The following TRDN variants were observed in gnomAD, a reference collection of about 807,000 sequenced individuals.
The protein encoded by TRDN is triadin.
TRDN carries 161 observed loss-of-function variants against 149.7 expected under a neutral mutation model. The observed-to-expected ratio is 1.08, with a 90% CI of 0.95 to 1.23. TRDN has a LOEUF of 1.23. TRDN is among the 50% of genes most tolerant of loss of function. The pLI is 0.00. For missense variants in TRDN, 896 were observed against 823.5 expected (o/e 1.09, Z -1.08); for synonymous variants, 294 against 250.5 (o/e 1.17, Z -1.64).
intron 1 of TRDN, among the ~76,000 whole-genome samples, chr6:123,620,244 A>G (rs563525018): frequency 6.6e-6 from 1 of 152,266 alleles, no homozygotes; most frequent in Admixed American, 6.5e-5. Flanking sequence ...AATGATCTAA[A>G]AGGTTTGTTA....
chr6:123,603,805 A>G (rs1416559439), intron 1 of TRDN, among the ~76,000 whole-genome samples: 1 of 152,156 alleles, frequency 6.6e-6, no homozygotes, highest in Non-Finnish European at 1.5e-5. Flanking sequence ...AGATCTTTCC[A>G]GAAATTTTTA....
At chr6:123,605,530 T>C (rs570690546) in intron 1 of TRDN, among the ~76,000 whole-genome samples, 49 of 149,582 alleles carry the variant, frequency 3.3e-4, no homozygotes, top group African/African-American at 1.2e-3. Context: ...CTCATGCCTG[T>C]AACTCCAGCA....
At chr6:123,384,646 A>C (rs1781840855) in intron 14 of TRDN, among the ~76,000 whole-genome samples, 1 of 152,250 alleles carries the variant, frequency 6.6e-6, no homozygotes, top group African/African-American at 2.4e-5. Context: ...ATAAGAATCA[A>C]TAATATATTT....
At chr6:123,365,554 G>A (rs1438822435) in intron 20 of TRDN, among the ~76,000 whole-genome samples, 5 of 152,130 alleles carry the variant, frequency 3.3e-5, no homozygotes, top group Non-Finnish European at 7.4e-5. Flanking sequence ...GTAAGGGTAT[G>A]TGTGCAGGTT....
chr6:123,591,737 A>G (rs1583296707), intron 1 of TRDN, among the ~76,000 whole-genome samples: 1 of 152,100 alleles, frequency 6.6e-6, no homozygotes, highest in African/African-American at 2.4e-5. Flanking sequence ...ATCTATGAAG[A>G]AAAAAACCAG....
At chr6:123,573,666 G>A (rs1467262560) in intron 1 of TRDN, among the ~76,000 whole-genome samples, 1 of 151,952 alleles carries the variant, frequency 6.6e-6, no homozygotes, top group East Asian at 1.9e-4. Context: ...CAGGCAAAGA[G>A]GAACATACAG....
chr6:123,508,580 C>A (rs1779032614), intron 7 of TRDN, among the ~76,000 whole-genome samples: 1 of 152,122 alleles, frequency 6.6e-6, no homozygotes, highest in African/African-American at 2.4e-5. Flanking sequence ...TTGTTTTCTT[C>A]TTTTTCTTCT....
At chr6:123,393,813 A>G (rs1249560224) in intron 12 of TRDN, 136 bp from the exon 13 acceptor site, 12 of 755,798 alleles carry the variant, frequency 1.6e-5, no homozygotes, top group Non-Finnish European at 2.3e-5. Context: ...TTGTTAAGAC[A>G]TAAACTTATT....
chr6:123,266,839 A>G (rs994797231), intron 32 of TRDN, among the ~76,000 whole-genome samples: 1 of 138,272 alleles, frequency 7.2e-6, no homozygotes, highest in Non-Finnish European at 1.5e-5. Flanking sequence ...TAATGCTAGA[A>G]GGATACTTTA....
At chr6:123,238,001 C>T (rs935320758) in intron 38 of TRDN, among the ~76,000 whole-genome samples, 2 of 152,128 alleles carry the variant, frequency 1.3e-5, no homozygotes, top group East Asian at 1.9e-4. Context: ...TTAAAAGATG[C>T]TTAAAAGTGT....
At chr6:123,339,166 G>A (rs566036399) in intron 21 of TRDN, among the ~76,000 whole-genome samples, 68 of 151,892 alleles carry the variant, frequency 4.5e-4, no homozygotes, top group Middle Eastern at 3.4e-3. Flanking sequence ...CAGCATGCCC[G>A]GCTAATTTTT....
At chr6:123,264,511 T>C (rs1388585349) in intron 33 of TRDN, among the ~76,000 whole-genome samples, 3 of 151,876 alleles carry the variant, frequency 2.0e-5, no homozygotes, top group Non-Finnish European at 4.4e-5. Context: ...GGTGAAGATG[T>C]TGTGAACATC....
chr6:123,584,264 G>A (rs1276875456), intron 1 of TRDN, among the ~76,000 whole-genome samples: 1 of 152,194 alleles, frequency 6.6e-6, no homozygotes, highest in Non-Finnish European at 1.5e-5. Flanking sequence ...GAAAGTATAT[G>A]CGTCAGATAT....
intron 1 of TRDN, among the ~76,000 whole-genome samples, chr6:123,635,685 C>A (rs965573780): frequency 5.3e-5 from 8 of 151,864 alleles, no homozygotes; most frequent in Admixed American, 2.6e-4. Context: ...AAAATAAAAA[C>A]AAATATTCTA....
chr6:123,363,778 G>A (rs1780985797), intron 20 of TRDN, among the ~76,000 whole-genome samples: 1 of 152,122 alleles, frequency 6.6e-6, no homozygotes, highest in Admixed American at 6.5e-5. Context: ...AATTTGTCCT[G>A]ATTCAACCCC....
intron 10 of TRDN, among the ~76,000 whole-genome samples, chr6:123,451,638 C>T (rs1775783695): frequency 6.6e-6 from 1 of 152,060 alleles, no homozygotes; most frequent in South Asian, 2.1e-4. Flanking sequence ...AGTCCAGGAC[C>T]AGTTGGATTC....
At chr6:123,587,495 C>A (rs1032802837) in intron 1 of TRDN, among the ~76,000 whole-genome samples, 1 of 152,074 alleles carries the variant, frequency 6.6e-6, no homozygotes, top group Non-Finnish European at 1.5e-5. Context: ...TTGGGCTGGT[C>A]GGTCTGAGGA....
At chr6:123,372,474 T>C (rs1201415856) in intron 19 of TRDN, among the ~76,000 whole-genome samples, 1 of 152,070 alleles carries the variant, frequency 6.6e-6, no homozygotes, top group Non-Finnish European at 1.5e-5. Context: ...AAAATGACTA[T>C]ATTTTGGCTT....
At chr6:123,322,196 G>A (rs1368055483) in intron 23 of TRDN, among the ~76,000 whole-genome samples, 1 of 152,148 alleles carries the variant, frequency 6.6e-6, no homozygotes, top group East Asian at 1.9e-4. Flanking sequence ...CATGCATAAT[G>A]AAGAAGCAAG....
Sources: allele counts gnomAD v4.1 joint callset (sites outside exome capture counted in the v4.1 genomes callset), GRCh38; gene constraint gnomAD v4.1.1; transcripts MANE v1.5; gene names NCBI Gene and HGNC (gene_info 2026-07-23, HGNC 2026-07-21).